The following ROBO1 variants were observed in gnomAD, a reference collection of about 807,000 sequenced individuals.
ROBO1 encodes roundabout homolog 1.
A neutral mutation model predicts 195.9 loss-of-function variants in ROBO1; 149 were observed. The ratio of observed to expected loss-of-function variants is 0.76; its 90% CI spans 0.67 to 0.87. The LOEUF (loss-of-function observed/expected upper bound fraction) is 0.87. Among genes scored for constraint, ROBO1 ranks in the 40% least tolerant of loss-of-function variants. The pLI is 0.00. For synonymous variants in ROBO1, 816 were observed against 733.2 expected (o/e 1.11, Z -1.82); for missense variants, 1,933 against 2,068.3 (o/e 0.93, Z 1.27).
At chr3:78,903,721 C>T (rs1307476946) in intron 4 of ROBO1, among the ~76,000 whole-genome samples, 1 of 151,984 alleles carries the variant, frequency 6.6e-6, no homozygotes, top group East Asian at 1.9e-4. Context: ...GAAATGATTC[C>T]TTACTATACC....
chr3:79,501,899 C>T (rs1256339716), intron 2 of ROBO1, among the ~76,000 whole-genome samples: 1 of 152,138 alleles, frequency 6.6e-6, no homozygotes, highest in Admixed American at 6.5e-5. Context: ...TATTTTAGTC[C>T]AGGAAATGTG....
At chr3:78,635,082 G>GTT (rs1294429674) in intron 23 of ROBO1, among the ~76,000 whole-genome samples, 1 of 152,060 alleles carries the variant, frequency 6.6e-6, no homozygotes, top group South Asian at 2.1e-4. Flanking sequence ...TAGCCTAAAG[G>GTT]ACTACAAAGA....
At chr3:79,061,092 T>C (rs928340632) in intron 3 of ROBO1, among the ~76,000 whole-genome samples, 41 of 152,024 alleles carry the variant, frequency 2.7e-4, no homozygotes, top group Non-Finnish European at 4.9e-4. Context: ...GATTTTATAT[T>C]TAGAAAACCC....
intron 3 of ROBO1, among the ~76,000 whole-genome samples, chr3:78,945,101 G>A (rs1035374676): frequency 6.6e-6 from 1 of 152,182 alleles, no homozygotes; most frequent in Non-Finnish European, 1.5e-5. Flanking sequence ...GTCAGGGCAT[G>A]GACAAACAAA....
At chr3:79,066,877 A>G (rs900398487) in intron 3 of ROBO1, among the ~76,000 whole-genome samples, 1 of 151,962 alleles carries the variant, frequency 6.6e-6, no homozygotes, top group African/African-American at 2.4e-5. Context: ...TTGAAGGAGA[A>G]GCTTTACTCC....
chr3:79,491,150 C>A (rs1381124669), intron 2 of ROBO1, among the ~76,000 whole-genome samples: 2 of 151,854 alleles, frequency 1.3e-5, no homozygotes, highest in East Asian at 3.9e-4. Context: ...GGCTAATCTA[C>A]CTGGTCCTAG....
intron 3 of ROBO1, among the ~76,000 whole-genome samples, chr3:79,112,776 G>A (rs7623414): frequency 6.0e-5 from 9 of 150,196 alleles, no homozygotes; most frequent in East Asian, 2.0e-4. Context: ...GGTGCGGGGA[G>A]GGGGGAGGGA....
chr3:78,970,929 C>CAA lies in ROBO1; in HGVS notation c.173-32004_173-32003dup, dbSNP rs749424067. Among the ~76,000 whole-genome samples the CAA allele has an allele frequency of 5.7e-3, 739 of 129,060 alleles. 3 individuals carry two copies. Among genetic ancestry groups the CAA allele is most frequent in the Non-Finnish European group, 9.2e-3 (549 of 59,820 alleles). The allele number at this position is 129,060 out of a possible 152,430, so 84.7% of individuals were successfully genotyped here. A position where few individuals can be genotyped will look rare whatever the true frequency, so the allele number is the denominator to read the frequency against. Reference sequence around the variant, plus strand: ...GAGTGTTTATTGTTAGTATAGATTGCAAAAAAAAAAAAAGTCACTGTATCC... The same window carrying CAA: ...GAGTGTTTATTGTTAGTATAGATTGCAAAAAAAAAAAAAAAGTCACTGTATCC... On this transcript the variant is annotated intron_variant, in intron 3 of 30. Transcript: ENST00000464233.
intron 2 of ROBO1, among the ~76,000 whole-genome samples, chr3:79,154,128 T>A (rs916109775): frequency 3.3e-5 from 5 of 151,822 alleles, no homozygotes; most frequent in African/African-American, 9.7e-5. Flanking sequence ...TGTCTTGTAA[T>A]CTAGCATCTA....
At chr3:78,791,585 C>A (rs333505) in intron 4 of ROBO1, among the ~76,000 whole-genome samples, 1 of 152,116 alleles carries the variant, frequency 6.6e-6, no homozygotes, top group Non-Finnish European at 1.5e-5. Context: ...TACATTATTT[C>A]TTAAAAAGAG....
At chr3:79,240,557 T>C (rs2082493541) in intron 2 of ROBO1, among the ~76,000 whole-genome samples, 1 of 152,176 alleles carries the variant, frequency 6.6e-6, no homozygotes, top group South Asian at 2.1e-4. Context: ...AGCCAAACTT[T>C]TCAGTGTATT....
intron 2 of ROBO1, among the ~76,000 whole-genome samples, chr3:79,287,899 AT>A (rs1006107267): frequency 4.1e-4 from 63 of 152,130 alleles, no homozygotes; most frequent in African/African-American, 1.5e-3. Context: ...ATGTAGTCAT[AT>A]TTTTTACATA....
intron 29 of ROBO1, 137 bp downstream of exon 29, chr3:78,606,596 C>T (rs550205874): frequency 4.4e-5 from 35 of 798,612 alleles, no homozygotes; most frequent in South Asian, 2.2e-4. Context: ...TAAAATTATT[C>T]GAGTACATGC....
At chr3:79,524,346 A>G (rs1462459020) in intron 2 of ROBO1, among the ~76,000 whole-genome samples, 2 of 152,108 alleles carry the variant, frequency 1.3e-5, no homozygotes, top group Non-Finnish European at 1.5e-5. Context: ...AAAAATCTAA[A>G]CCATCTCAAA....
At chr3:79,277,270 T>C (rs1232756612) in intron 2 of ROBO1, among the ~76,000 whole-genome samples, 5 of 152,090 alleles carry the variant, frequency 3.3e-5, no homozygotes, top group African/African-American at 1.2e-4. Flanking sequence ...ATATACACAA[T>C]AGAGTACTAT....
intron 4 of ROBO1, among the ~76,000 whole-genome samples, chr3:78,920,430 G>A (rs1017689856): frequency 2.0e-5 from 3 of 151,332 alleles, no homozygotes; most frequent in Admixed American, 1.3e-4. Flanking sequence ...TCAGCCTCCT[G>A]AGTAGCTAGG....
chr3:79,247,935 T>A (rs2082653881), intron 2 of ROBO1, among the ~76,000 whole-genome samples: 1 of 152,106 alleles, frequency 6.6e-6, no homozygotes, highest in African/African-American at 2.4e-5. Flanking sequence ...GGAATGTGTT[T>A]CCCTGCCGGA....
chr3:79,394,066 A>C (rs2037050093), intron 2 of ROBO1, among the ~76,000 whole-genome samples: 1 of 152,134 alleles, frequency 6.6e-6, no homozygotes, highest in Admixed American at 6.6e-5. Context: ...GATTGGGAAT[A>C]TTTGATGAAG....
intron 2 of ROBO1, among the ~76,000 whole-genome samples, chr3:79,477,103 A>G (rs531848174): frequency 2.0e-5 from 3 of 152,218 alleles, no homozygotes; most frequent in African/African-American, 7.2e-5. Context: ...AAAATCCGTG[A>G]TTTTGGTTGG....
Sources: gnomAD v4.1 joint callset for allele counts (sites outside exome capture counted in the v4.1 genomes callset) on GRCh38, gnomAD v4.1.1 for gene constraint, MANE v1.5 for transcripts, NCBI Gene and HGNC (gene_info 2026-07-23, HGNC 2026-07-21) for gene names.